TES: variants seen among roughly 807,000 people sequenced by gnomAD.
TES encodes the protein testin LIM domain protein.
A neutral mutation model predicts 48.2 loss-of-function variants in TES; 41 were observed. That is an observed-to-expected ratio of 0.85 (90% CI 0.66 to 1.10). The LOEUF is 1.10. Ranked by LOEUF, TES falls within the 50% of genes least tolerant of loss-of-function variation. The pLI is 0.00. For synonymous variants in TES, 162 were observed against 174.9 expected (o/e 0.93, Z 0.58); for missense variants, 463 against 515.1 (o/e 0.90, Z 0.98).
At chr7:116,251,610 G>C in intron 4 of TES, 150 bp from the exon 5 acceptor site, 1 of 714,592 alleles carries the variant, frequency 1.4e-6, no homozygotes, top group Non-Finnish European at 2.4e-6. Flanking sequence ...GTGAACCCAG[G>C]AGGCGGAGCT....
chr7:116,235,297 C>T (rs1366424003), intron 2 of TES, among the ~76,000 whole-genome samples: 1 of 152,150 alleles, frequency 6.6e-6, no homozygotes, highest in African/African-American at 2.4e-5. Flanking sequence ...GGTAACTTTA[C>T]ATCTCATGTC....
rs769321029 is a variant in TES, at chr7:116,234,631, A to G, written c.113+12A>G. On this transcript the variant is annotated intron_variant, in intron 2 of 6. Coordinates refer to ENST00000358204, the MANE Select transcript of TES (RefSeq NM_015641.4). ...CTGCACTTCTGGAGGTATTGTTTTG[A>G]AAACTGCAACCACATTAGTAATTTA... is the stretch of plus-strand genomic sequence containing the variant. 2.2e-5 allele frequency: 36 copies of G among 1,607,692 alleles called. No homozygotes were observed. The East Asian group carries it at 7.8e-4, about 35-fold the overall frequency.
At position 116,214,202 on chromosome 7, in the gene TES, C is replaced by T. The variant is rs376677971; in HGVS notation, c.27+3468C>T. ...GATGCATTTTAAAGATTACATGTTA[C>T]TAAAAATCCCCTTTCTCTGTATCCA... is the stretch of plus-strand genomic sequence containing the variant. On this transcript the variant is annotated intron_variant, in intron 1 of 6. Transcript: ENST00000358204. 4.0e-4 allele frequency among the ~76,000 whole-genome samples: 61 copies of T among 152,158 alleles called. 1 individual carries two copies. The highest frequency in any genetic ancestry group is 1.4e-3 in the African/African-American group (58 of 41,488).
chr7:116,235,844 A>G (rs891053648), intron 2 of TES, among the ~76,000 whole-genome samples: 3 of 152,212 alleles, frequency 2.0e-5, no homozygotes, highest in Non-Finnish European at 4.4e-5. Flanking sequence ...GGAGAATATA[A>G]ACAAATAAAA....
At chr7:116,223,511 T>C (rs953579464) in intron 1 of TES, among the ~76,000 whole-genome samples, 1 of 152,196 alleles carries the variant, frequency 6.6e-6, no homozygotes, top group African/African-American at 2.4e-5. Flanking sequence ...ATTTTAATAA[T>C]CTGGTTTGCA....
chr7:116,223,843 A>G (rs1353878023), intron 1 of TES, among the ~76,000 whole-genome samples: 4 of 152,200 alleles, frequency 2.6e-5, no homozygotes, highest in African/African-American at 9.7e-5. Flanking sequence ...CTCGTCACAA[A>G]TCACTTAGTC....
At chr7:116,215,716 C>T (rs1799486558) in intron 1 of TES, among the ~76,000 whole-genome samples, 1 of 152,084 alleles carries the variant, frequency 6.6e-6, no homozygotes, top group African/African-American at 2.4e-5. Flanking sequence ...CCAATGGCAT[C>T]TGGAACTATA....
chr7:116,230,281 G>A (rs185793837), intron 1 of TES, among the ~76,000 whole-genome samples: 4 of 152,286 alleles, frequency 2.6e-5, no homozygotes, highest in Admixed American at 2.0e-4. Flanking sequence ...CTCACACTTA[G>A]GTCTGAGCAT....
intron 1 of TES, chr7:116,210,937 G>C (rs1799429834): frequency 1.1e-5 from 4 of 374,582 alleles, no homozygotes; most frequent in Non-Finnish European, 1.9e-5. Flanking sequence ...CCACACTCGG[G>C]AGCGACAGAA....
chr7:116,252,088 A>G, intron 5 of TES, 113 bp downstream of exon 5: 1 of 1,156,746 alleles, frequency 8.6e-7, no homozygotes, highest in Non-Finnish European at 1.2e-6. Flanking sequence ...TTTACATCCA[A>G]AGAAGTTTTA....
intron 2 of TES, among the ~76,000 whole-genome samples, chr7:116,240,089 C>T (rs927287434): frequency 1.3e-5 from 2 of 152,124 alleles, no homozygotes; most frequent in African/African-American, 4.8e-5. Flanking sequence ...TAAAAATTCC[C>T]TACCATAAAT....
Position 116,225,066 on chromosome 7 carries a change from T to C in TES, c.28-9468T>C, listed in dbSNP as rs1799605674. The stretch of plus-strand genomic sequence containing the variant: ...TTGGGGATTAAATGTGATGGTTATA[T>C]GTATTTTAGCTGGCAGGTAGTAACA... On this transcript the variant is annotated intron_variant, in intron 1 of 6. Transcript: ENST00000358204. Among the ~76,000 whole-genome samples the C allele has an allele frequency of 1.3e-5, 2 of 151,912 alleles. 1 individual carries two copies. The highest frequency in any genetic ancestry group is 4.2e-4 in the South Asian group (2 of 4,818).
At chr7:116,249,934 C>A (rs1563014261) in intron 3 of TES, 1 of 371,098 alleles carries the variant, frequency 2.7e-6, no homozygotes, top group East Asian at 4.0e-5. Context: ...ATCTTACAAA[C>A]TGAAAAAATA....
chr7:116,239,119 C>G (rs1031601847), intron 2 of TES: 3 of 152,208 alleles, frequency 2.0e-5, no homozygotes, highest in Non-Finnish European at 4.4e-5. Context: ...TGGCTGTCAG[C>G]TGGGGGCTGG....
chr7:116,254,754 A>ATGTGTGTGTGTGTGTG, intron 6 of TES, among the ~76,000 whole-genome samples: 1 of 119,248 alleles, frequency 8.4e-6, no homozygotes, highest in Non-Finnish European at 1.8e-5. Context: ...AAAAATATAT[A>ATGTGTGTGTGTGTGTG]TATATGTGTG....
intron 6 of TES, among the ~76,000 whole-genome samples, chr7:116,253,528 T>A (rs1325141281): frequency 6.6e-6 from 1 of 152,134 alleles, no homozygotes; most frequent in Non-Finnish European, 1.5e-5. Flanking sequence ...AAAATTATCT[T>A]CCTAAAATGC....
At chr7:116,221,088 T>G (rs190129780) in intron 1 of TES, among the ~76,000 whole-genome samples, 1 of 152,248 alleles carries the variant, frequency 6.6e-6, no homozygotes, top group Admixed American at 6.5e-5. Context: ...CCATTTAAAG[T>G]TCGATAACTG....
At position 116,258,031 on chromosome 7, in the gene TES, T is replaced by C. The variant is rs898295931; in HGVS notation, c.*549T>C. On this transcript the variant is annotated 3_prime_UTR_variant, in exon 7 of 7. Transcript: ENST00000358204. ...TAATGCCTATGCATTTACTCTTTCC[T>C]GATTTAGGCAGAGGTGGCATTTTCT... The C allele has an allele frequency of 7.2e-5, 11 of 152,252 alleles. No individual in the cohort carries two copies. The highest frequency in any genetic ancestry group is 2.4e-4 in the African/African-American group (10 of 41,462). 9.4% of individuals were successfully genotyped at this position (152,252 alleles called of 1,614,324 possible). A position where few individuals can be genotyped will look rare whatever the true frequency, so the allele number is the denominator to read the frequency against.
intron 1 of TES, among the ~76,000 whole-genome samples, chr7:116,213,978 T>C (rs1000092571): frequency 6.6e-6 from 1 of 152,044 alleles, no homozygotes; most frequent in Non-Finnish European, 1.5e-5. Flanking sequence ...TGAGAAATAT[T>C]TTTTTTCAAT....
Sources: gnomAD v4.1 joint callset for allele counts (sites outside exome capture counted in the v4.1 genomes callset) on GRCh38, gnomAD v4.1.1 for gene constraint, MANE v1.5 for transcripts, NCBI Gene and HGNC (gene_info 2026-07-23, HGNC 2026-07-21) for gene names.